LRRTM4: variants seen among roughly 807,000 people sequenced by gnomAD.
LRRTM4 encodes the protein leucine-rich repeat transmembrane neuronal protein 4.
Under a neutral mutation model 47.6 loss-of-function variants are expected in LRRTM4, and 25 were observed. The observed-to-expected ratio is 0.53, with a 90% CI of 0.38 to 0.73. LRRTM4 has a LOEUF of 0.73. Among genes scored for constraint, LRRTM4 ranks in the 30% least tolerant of loss-of-function variants. The probability of loss-of-function intolerance (pLI) is 0.00; values close to 1 mark genes in which losing one functional copy is unlikely to be tolerated. For synonymous variants in LRRTM4, 311 were observed against 269.5 expected (o/e 1.15, Z -1.51); for missense variants, 638 against 713.4 (o/e 0.89, Z 1.20).
intron 3 of LRRTM4, among the ~76,000 whole-genome samples, chr2:77,366,345 T>C (rs938386334): frequency 6.6e-6 from 1 of 151,944 alleles, no homozygotes; most frequent in African/African-American, 2.4e-5. Flanking sequence ...TTTCTCTAGT[T>C]ATTCCTTCTG....
At chr2:77,346,481 G>A (rs564832623) in intron 3 of LRRTM4, among the ~76,000 whole-genome samples, 22 of 152,182 alleles carry the variant, frequency 1.4e-4, no homozygotes, top group African/African-American at 4.8e-4. Flanking sequence ...TGTGTGCTGG[G>A]GGGGTCTATG....
At chr2:76,970,193 T>C (rs1431083462) in intron 3 of LRRTM4, among the ~76,000 whole-genome samples, 1 of 152,022 alleles carries the variant, frequency 6.6e-6, no homozygotes, top group East Asian at 1.9e-4. Context: ...AATTTGATAA[T>C]TTTGTATAAG....
chr2:77,062,280 TTTTAG>T (rs1380489736), intron 3 of LRRTM4, among the ~76,000 whole-genome samples: 1 of 152,194 alleles, frequency 6.6e-6, no homozygotes, highest in African/African-American at 2.4e-5. Context: ...TTGCAGTTTA[TTTTAG>T]CTTCTAAACT....
intron 3 of LRRTM4, among the ~76,000 whole-genome samples, chr2:76,901,076 G>A (rs1402683579): frequency 6.6e-6 from 1 of 152,036 alleles, no homozygotes; most frequent in Non-Finnish European, 1.5e-5. Flanking sequence ...CAGAGTACAT[G>A]TGCAGGATGC....
intron 3 of LRRTM4, among the ~76,000 whole-genome samples, chr2:76,762,749 C>T (rs1336881280): frequency 3.3e-5 from 5 of 152,050 alleles, no homozygotes; most frequent in Non-Finnish European, 7.4e-5. Flanking sequence ...TGCTTGAGGC[C>T]AGGAATTTGA....
intron 3 of LRRTM4, among the ~76,000 whole-genome samples, chr2:77,413,808 C>G (rs1674532892): frequency 6.6e-6 from 1 of 151,482 alleles, no homozygotes; most frequent in African/African-American, 2.4e-5. Flanking sequence ...AAGTAGAAAC[C>G]AACAGGCAAA....
chr2:77,467,974 A>G (rs1677043318), intron 3 of LRRTM4, among the ~76,000 whole-genome samples: 1 of 152,144 alleles, frequency 6.6e-6, no homozygotes, highest in Admixed American at 6.5e-5. Context: ...ATAGTTCCCT[A>G]TGTCAGCTAA....
intron 3 of LRRTM4, among the ~76,000 whole-genome samples, chr2:76,944,400 C>G (rs879918611): frequency 2.6e-5 from 4 of 152,104 alleles, no homozygotes; most frequent in African/African-American, 7.2e-5. Flanking sequence ...CATCTACTTA[C>G]TTATTTACTC....
intron 3 of LRRTM4, among the ~76,000 whole-genome samples, chr2:76,968,063 A>G (rs1676086971): frequency 6.6e-6 from 1 of 151,462 alleles, no homozygotes; most frequent in African/African-American, 2.4e-5. Flanking sequence ...AGTAAGCAAA[A>G]TGAAGTAACT....
chr2:77,481,909 T>C (rs1037920432), intron 3 of LRRTM4, among the ~76,000 whole-genome samples: 5 of 151,922 alleles, frequency 3.3e-5, no homozygotes, highest in Non-Finnish European at 7.4e-5. Flanking sequence ...TTCTAGTTAT[T>C]TTAGGACCTG....
At chr2:77,164,958 A>C (rs1031979421) in intron 3 of LRRTM4, among the ~76,000 whole-genome samples, 1 of 152,182 alleles carries the variant, frequency 6.6e-6, no homozygotes, top group Non-Finnish European at 1.5e-5. Context: ...AGAAATAACT[A>C]AGATTAGAGC....
chr2:77,122,411 G>A (rs1313520659), intron 3 of LRRTM4, among the ~76,000 whole-genome samples: 4 of 150,578 alleles, frequency 2.7e-5, no homozygotes, highest in African/African-American at 9.7e-5. Flanking sequence ...TTCACCAGAT[G>A]TAAACATATA....
At chr2:77,135,038 T>C (rs1671896620) in intron 3 of LRRTM4, among the ~76,000 whole-genome samples, 1 of 152,138 alleles carries the variant, frequency 6.6e-6, no homozygotes, top group Non-Finnish European at 1.5e-5. Context: ...ATAGAAATCA[T>C]GAATTGACTC....
intron 3 of LRRTM4, among the ~76,000 whole-genome samples, chr2:76,795,404 A>T (rs997918681): frequency 6.6e-6 from 1 of 151,288 alleles, no homozygotes; most frequent in East Asian, 1.9e-4. Flanking sequence ...TCTATACTGA[A>T]CATGTAAAGA....
intron 3 of LRRTM4, among the ~76,000 whole-genome samples, chr2:76,978,403 G>A (rs528773605): frequency 6.6e-6 from 1 of 152,076 alleles, no homozygotes; most frequent in Non-Finnish European, 1.5e-5. Flanking sequence ...GGTAATGGCT[G>A]TAGTCATTTT....
chr2:77,156,027 CAATTT>C (rs544833648), intron 3 of LRRTM4, among the ~76,000 whole-genome samples: 3 of 152,008 alleles, frequency 2.0e-5, no homozygotes, highest in East Asian at 3.9e-4. Context: ...TTAAATGTGT[CAATTT>C]AATTTATTTT....
chr2:76,788,456 C>T (rs1374096952), intron 3 of LRRTM4, among the ~76,000 whole-genome samples: 1 of 152,146 alleles, frequency 6.6e-6, no homozygotes, highest in Non-Finnish European at 1.5e-5. Context: ...CACAAGGTCA[C>T]GTTTACTCGT....
chr2:77,445,196 A>G (rs1676004558), intron 3 of LRRTM4, among the ~76,000 whole-genome samples: 1 of 151,970 alleles, frequency 6.6e-6, no homozygotes, highest in African/African-American at 2.4e-5. Flanking sequence ...TAAGGCCTGG[A>G]CAAGCTACCC....
chr2:76,837,106 T>C (rs932106451), intron 3 of LRRTM4, among the ~76,000 whole-genome samples: 2 of 152,296 alleles, frequency 1.3e-5, no homozygotes, highest in East Asian at 3.9e-4. Context: ...CCTGGTTTAG[T>C]CTTGGGAGAC....
Sources: gnomAD v4.1 joint callset for allele counts (sites outside exome capture counted in the v4.1 genomes callset) on GRCh38, gnomAD v4.1.1 for gene constraint, MANE v1.5 for transcripts, NCBI Gene and HGNC (gene_info 2026-07-23, HGNC 2026-07-21) for gene names.